GLIS3: variants seen among roughly 807,000 people sequenced by gnomAD.
GLIS3 encodes GLIS family zinc finger 3.
Under a neutral mutation model 78.6 loss-of-function variants are expected in GLIS3, and 53 were observed. That is an observed-to-expected ratio of 0.67 (90% CI 0.54 to 0.85). GLIS3 has a LOEUF of 0.85. Ranked by LOEUF, GLIS3 falls within the 40% of genes least tolerant of loss-of-function variation. The pLI is 0.00. For missense variants in GLIS3, 1,703 were observed against 1,231.1 expected, an observed-to-expected ratio of 1.38 and a Z score of -5.74; for synonymous variants, 684 against 509.9, an observed-to-expected ratio of 1.34 and a Z score of -4.60.
chr9:4,307,621 T>C (rs557814332), intron 4 of GLIS3, among the ~76,000 whole-genome samples: 1 of 152,288 alleles, frequency 6.6e-6, no homozygotes, highest in South Asian at 2.1e-4. Context: ...GACTTAAGGC[T>C]GTGGATGGCA....
chr9:4,093,102 T>G (rs1037302226), intron 4 of GLIS3, among the ~76,000 whole-genome samples: 9 of 152,278 alleles, frequency 5.9e-5, no homozygotes, highest in African/African-American at 2.2e-4. Context: ...CATGCCTGCA[T>G]GTATATTTAA....
the GLIS3 span, among the ~76,000 whole-genome samples, chr9:4,368,847 A>T: frequency 1.3e-5 from 2 of 152,192 alleles, no homozygotes; most frequent in African/African-American, 4.8e-5. Context: ...ACTGGTGTCT[A>T]AGAACTTGCT....
intron 4 of GLIS3, among the ~76,000 whole-genome samples, chr9:4,008,324 C>G (rs1357805015): frequency 6.6e-6 from 1 of 152,162 alleles, no homozygotes; most frequent in East Asian, 1.9e-4. Flanking sequence ...CTCAGGCAGG[C>G]TCAGAAATAT....
chr9:4,288,248 T>C (rs1392828752), intron 1 of GLIS3, among the ~76,000 whole-genome samples: 1 of 152,204 alleles, frequency 6.6e-6, no homozygotes, highest in Admixed American at 6.5e-5. Context: ...CCATCTATTT[T>C]CCTCTCATTG....
chr9:4,162,878 A>G (rs1835601353), intron 2 of GLIS3, among the ~76,000 whole-genome samples: 1 of 140,576 alleles, frequency 7.1e-6, no homozygotes, highest in Non-Finnish European at 1.6e-5. Flanking sequence ...AAAAAAAAAA[A>G]AAATCAATCG....
chr9:4,091,147 G>C (rs1480762739), intron 4 of GLIS3, among the ~76,000 whole-genome samples: 4 of 152,130 alleles, frequency 2.6e-5, no homozygotes, highest in African/African-American at 9.7e-5. Flanking sequence ...TTGAGTCCAG[G>C]AGGTGGAGAC....
chr9:4,465,391 T>C, the GLIS3 span, among the ~76,000 whole-genome samples: 1 of 151,998 alleles, frequency 6.6e-6, no homozygotes, highest in Non-Finnish European at 1.5e-5. Flanking sequence ...CTATTAAAAA[T>C]ACAAAAAATT....
intron 2 of GLIS3, among the ~76,000 whole-genome samples, chr9:4,187,074 C>G (rs911664053): frequency 2.0e-5 from 3 of 152,166 alleles, no homozygotes; most frequent in Non-Finnish European, 4.4e-5. Context: ...CTTGCCCATG[C>G]CTATGTCCTG....
chr9:4,273,911 G>T lies in GLIS3; in HGVS notation c.388+12127C>A, dbSNP rs141341553. ...CTTGTCCCATTTCGTACCCTGCCCTGCACCTCCATTCCACCCTCAGGCCAT... is the reference window on the plus strand; with the variant it reads ...CTTGTCCCATTTCGTACCCTGCCCTTCACCTCCATTCCACCCTCAGGCCAT... On this transcript the variant is annotated intron_variant, in intron 2 of 10. Transcript: ENST00000381971. Among the ~76,000 whole-genome samples, 11 of 152,146 alleles carry T rather than the reference G, an allele frequency of 7.2e-5. No individual in the cohort carries two copies. In the East Asian group the frequency reaches 2.1e-3, roughly 29 times the overall value.
chr9:4,290,844 G>T (rs573751729), intron 1 of GLIS3, among the ~76,000 whole-genome samples: 1 of 152,112 alleles, frequency 6.6e-6, no homozygotes, highest in Non-Finnish European at 1.5e-5. Context: ...ATGTGCCTGT[G>T]AAACTGGAGG....
At chr9:4,198,167 C>A (rs1186013432) in intron 2 of GLIS3, among the ~76,000 whole-genome samples, 1 of 152,000 alleles carries the variant, frequency 6.6e-6, no homozygotes, top group East Asian at 1.9e-4. Context: ...AATGGAAATT[C>A]AGTTATGGCA....
chr9:4,376,011 C>T, the GLIS3 span, among the ~76,000 whole-genome samples: 1 of 152,182 alleles, frequency 6.6e-6, no homozygotes, highest in Non-Finnish European at 1.5e-5. Context: ...GTGAGCTTCA[C>T]AGGAATGCTG....
At chr9:4,444,252 A>G in the GLIS3 span, among the ~76,000 whole-genome samples, 1 of 152,252 alleles carries the variant, frequency 6.6e-6, no homozygotes, top group Non-Finnish European at 1.5e-5. Flanking sequence ...CACTTATCTT[A>G]ATTCACAAGA....
At chr9:4,053,865 G>A (rs1179903965) in intron 4 of GLIS3, among the ~76,000 whole-genome samples, 1 of 152,088 alleles carries the variant, frequency 6.6e-6, no homozygotes, top group Non-Finnish European at 1.5e-5. Context: ...TCTTTATGTT[G>A]CACAGACCAT....
At chr9:4,294,271 G>A (rs1021339848) in intron 1 of GLIS3, among the ~76,000 whole-genome samples, 1 of 152,224 alleles carries the variant, frequency 6.6e-6, no homozygotes, top group African/African-American at 2.4e-5. Flanking sequence ...TACTTTGGGA[G>A]GCCAAGGTGG....
At chr9:3,838,374 G>A (rs1818492229) in intron 9 of GLIS3, among the ~76,000 whole-genome samples, 3 of 152,084 alleles carry the variant, frequency 2.0e-5, no homozygotes, top group Admixed American at 2.0e-4. Flanking sequence ...CTGTGGGACT[G>A]GCTCATCCCT....
In GLIS3 at chr9:4,054,424, A is replaced by G. The variant is rs548089000; in HGVS notation, c.1710+63344T>C. 9.0e-5 allele frequency: 89 copies of G among 985,446 alleles called. No individual in the cohort carries two copies. The African/African-American group carries it at 1.5e-3, about 17-fold the overall frequency. 61.0% of individuals were successfully genotyped at this position (985,446 alleles called of 1,614,324 possible). A position where few individuals can be genotyped will look rare whatever the true frequency, so the allele number is the denominator to read the frequency against. The stretch of plus-strand genomic sequence containing the variant: ...CCATCTGAATTTAACGGTTGGTTAC[A>G]AACACTTTGGCGAGAGTCACAGGAG... On this transcript the variant is annotated intron_variant, in intron 4 of 10. Transcript: ENST00000381971.
chr9:4,356,833 G>C, the GLIS3 span, among the ~76,000 whole-genome samples: 3 of 152,084 alleles, frequency 2.0e-5, no homozygotes, highest in Non-Finnish European at 4.4e-5. Flanking sequence ...GATGTAAAAT[G>C]CCCACCAATG....
At chr9:4,476,464 C>T in the GLIS3 span, among the ~76,000 whole-genome samples, 10 of 152,034 alleles carry the variant, frequency 6.6e-5, no homozygotes, top group East Asian at 5.8e-4. Flanking sequence ...TGGGTTCAAG[C>T]GATCCTCCTG....
Sources: gnomAD v4.1 joint callset for allele counts (sites outside exome capture counted in the v4.1 genomes callset) on GRCh38, gnomAD v4.1.1 for gene constraint, MANE v1.5 for transcripts, NCBI Gene and HGNC (gene_info 2026-07-23, HGNC 2026-07-21) for gene names.